Variants in PCDHA6 observed in about 807,000 individuals in gnomAD.
PCDHA6 encodes the protein protocadherin alpha-6.
In PCDHA6, 55 loss-of-function variants were observed where a neutral mutation model predicts 60.3. The observed-to-expected ratio is 0.91, with a 90% CI of 0.73 to 1.14. PCDHA6 has a LOEUF of 1.14. PCDHA6 is among the 50% of genes most tolerant of loss of function. The pLI is 0.00. For synonymous variants in PCDHA6, 652 were observed against 557.9 expected (o/e 1.17, Z -2.38); for missense variants, 1,327 against 1,256.5 (o/e 1.06, Z -0.85).
At chr5:140,892,236 C>T (rs1490048562) in intron 1 of PCDHA6, among the ~76,000 whole-genome samples, 3 of 152,140 alleles carry the variant, frequency 2.0e-5, no homozygotes, top group African/African-American at 7.2e-5. Context: ...TTTGTCTCCA[C>T]ATAAACCTGG....
At chr5:140,954,938 GT>G (rs2095112203) in intron 1 of PCDHA6, among the ~76,000 whole-genome samples, 1 of 152,078 alleles carries the variant, frequency 6.6e-6, no homozygotes, top group Admixed American at 6.6e-5. Flanking sequence ...TTAATCTTGA[GT>G]TAATTTTTGT....
At position 140,836,458 on chromosome 5, in the gene PCDHA6, A is replaced by T. The variant is rs2150261468; in HGVS notation, c.2394+5973A>T. 14 of 1,613,642 alleles carry T rather than the reference A, an allele frequency of 8.7e-6. No homozygotes were observed. In the African/African-American group the frequency reaches 1.7e-4, roughly 20 times the overall value. On this transcript the variant is annotated intron_variant, in intron 1 of 3. Coordinates refer to ENST00000529310, the MANE Select transcript of PCDHA6 (RefSeq NM_018909.4). ...TTGGGCATTGCAGGCCCAGAGACCGAGCTGGTGGATGTCAACGTGTACCTG... is the reference window on the plus strand; with the variant it reads ...TTGGGCATTGCAGGCCCAGAGACCGTGCTGGTGGATGTCAACGTGTACCTG...
chr5:140,835,753 A>G, intron 1 of PCDHA6: 1 of 1,613,416 alleles, frequency 6.2e-7, no homozygotes, highest in Non-Finnish European at 8.5e-7. Context: ...GCGTTCGCGC[A>G]GCCCGAGTAT....
rs115221257 is a variant in PCDHA6 at position 140,951,407 on chromosome 5, A to G, written c.2395-27542A>G. On this transcript the variant is annotated intron_variant, in intron 1 of 3. Transcript: ENST00000529310. ...GGTAATTTATAAAGAAAAGAGGTTTAATTGGCTCACAGTTCCACAGGCTGT... is the reference window on the plus strand; with the variant it reads ...GGTAATTTATAAAGAAAAGAGGTTTGATTGGCTCACAGTTCCACAGGCTGT... Among the ~76,000 whole-genome samples the G allele has an allele frequency of 4.7e-3, 715 of 152,182 alleles. 3 individuals are homozygous for G. Among genetic ancestry groups the G allele is most frequent in the African/African-American group, 0.015 (625 of 41,530 alleles).
At chr5:140,870,534 G>C (rs547039725) in intron 1 of PCDHA6, 2 of 1,614,032 alleles carry the variant, frequency 1.2e-6, no homozygotes, top group Non-Finnish European at 1.7e-6. Flanking sequence ...TCACAGTGTC[G>C]GCGCGGGACG....
Position 140,843,535 on chromosome 5 carries a change from T to G in PCDHA6, c.2394+13050T>G, listed in dbSNP as rs1554140200. On this transcript the variant is annotated intron_variant, in intron 1 of 3. Coordinates refer to ENST00000529310, the MANE Select transcript of PCDHA6 (RefSeq NM_018909.4). ...GCGGGTGCCGGGCGGGCAAGCCCAC[T>G]CTGGTGTGCTCCAGTGCGGTGGGGA... is the stretch of plus-strand genomic sequence containing the variant. The G allele has an allele frequency of 1.9e-6, 3 of 1,595,872 alleles. 1 individual carries two copies. Among genetic ancestry groups the G allele is most frequent in the Non-Finnish European group, 2.6e-6 (3 of 1,165,468 alleles).
chr5:140,956,137 A>C (rs374405911), intron 1 of PCDHA6, among the ~76,000 whole-genome samples: 1 of 152,114 alleles, frequency 6.6e-6, no homozygotes. Flanking sequence ...AATACCCTTT[A>C]TTTCTTTCTC....
intron 3 of PCDHA6, among the ~76,000 whole-genome samples, chr5:140,991,449 A>G (rs1405447405): frequency 6.6e-6 from 1 of 152,206 alleles, no homozygotes; most frequent in East Asian, 1.9e-4. Flanking sequence ...GCTTAAAACA[A>G]CACAATGTAT....
At chr5:140,981,812 A>C (rs1563492177) in intron 2 of PCDHA6, among the ~76,000 whole-genome samples, 1 of 152,052 alleles carries the variant, frequency 6.6e-6, no homozygotes, top group African/African-American at 2.4e-5. Context: ...TTTATGTTCT[A>C]TCTCTGCTTG....
chr5:140,936,619 T>C (rs2153629684), intron 1 of PCDHA6, among the ~76,000 whole-genome samples: 1 of 152,366 alleles, frequency 6.6e-6, no homozygotes, highest in East Asian at 1.9e-4. Context: ...TACTGTGCAG[T>C]GCTACCTTTG....
rs1479921830 is a variant in PCDHA6 at position 140,876,971 on chromosome 5, G to A, written c.2394+46486G>A. The A allele has an allele frequency of 1.9e-6, 3 of 1,612,696 alleles. No homozygotes were observed. In the African/African-American group the frequency reaches 4.0e-5, roughly 22 times the overall value. On this transcript the variant is annotated intron_variant, in intron 1 of 3. Coordinates refer to ENST00000529310, the MANE Select transcript of PCDHA6 (RefSeq NM_018909.4). ...TACTCGCTGGTGGAGCGGCGGGTGG[G>A]CGAGCACGCACTGTCGAGCTACGTG...
In PCDHA6 at chr5:140,828,250, G is replaced by A; in HGVS notation, c.159G>A (p.Gly53=). 3.1e-6 allele frequency: 5 copies of A among 1,613,982 alleles called. No homozygotes were observed. The highest frequency in any genetic ancestry group is 1.3e-5 in the African/African-American group (1 of 75,076). ...TFVGRIAQDL[G]LELAELVPRL... is the part of the protein sequence containing the mutation. Reference sequence around the variant, plus strand: ...TGGGCCGGATCGCGCAGGACCTGGGGCTGGAGCTGGCGGAGCTGGTGCCGC... The same window carrying A: ...TGGGCCGGATCGCGCAGGACCTGGGACTGGAGCTGGCGGAGCTGGTGCCGC... The change falls in exon 1 of 4, where the codon GGG becomes GGA. Residue 53 remains glycine (G), a synonymous_variant. Coordinates refer to ENST00000529310, the MANE Select transcript of PCDHA6 (RefSeq NM_018909.4).
intron 1 of PCDHA6, among the ~76,000 whole-genome samples, chr5:140,891,954 G>C (rs782159289): frequency 4.6e-5 from 7 of 152,318 alleles, no homozygotes; most frequent in Admixed American, 6.5e-5. Flanking sequence ...CTCCAGAATT[G>C]TGAGAAGTAA....
At chr5:140,852,749 G>A in intron 1 of PCDHA6, 3 of 984,204 alleles carry the variant, frequency 3.0e-6, no homozygotes, top group Non-Finnish European at 2.4e-6. Flanking sequence ...ATTTAAACTT[G>A]GACCCAGGTA....
intron 3 of PCDHA6, among the ~76,000 whole-genome samples, chr5:141,000,411 A>T (rs2097918603): frequency 1.1e-5 from 1 of 94,870 alleles, no homozygotes; most frequent in African/African-American, 4.4e-5. Flanking sequence ...ATATATATAT[A>T]TATATATATA....
intron 1 of PCDHA6, chr5:140,858,776 C>G (rs2045586511): frequency 2.4e-6 from 1 of 420,578 alleles, no homozygotes; most frequent in Admixed American, 4.3e-5. Context: ...GAGATTAGTA[C>G]TTCATGTTAT....
chr5:140,910,371 A>G (rs2153514600), intron 1 of PCDHA6, among the ~76,000 whole-genome samples: 1 of 152,246 alleles, frequency 6.6e-6, no homozygotes, highest in South Asian at 2.1e-4. Flanking sequence ...AGCTATGCCC[A>G]CCTTGCCTTT....
In PCDHA6 at chr5:140,828,940, C is replaced by G. The variant is rs2150161042; in HGVS notation, c.849C>G (p.Ser283Arg). The G allele has an allele frequency of 9.3e-6, 15 of 1,614,160 alleles. No homozygotes were observed. In the South Asian group the frequency reaches 1.4e-4, roughly 15 times the overall value. ...ANGAISYSFN[S>R]LVAAMVIDHF... Reference sequence around the variant, plus strand: ...GGGCAATTTCATATTCTTTTAATAGCCTTGTTGCAGCCATGGTTATTGACC... The same window carrying G: ...GGGCAATTTCATATTCTTTTAATAGGCTTGTTGCAGCCATGGTTATTGACC... Residue 283 changes from serine (S) to arginine (R), a missense_variant, in exon 1 of 4, where the codon AGC becomes AGG. Ser to Arg is a moderately radical substitution (Grantham distance 110, BLOSUM62 -1). Coordinates refer to ENST00000529310, the MANE Select transcript of PCDHA6 (RefSeq NM_018909.4).
At chr5:140,892,891 C>T (rs563104545) in intron 1 of PCDHA6, among the ~76,000 whole-genome samples, 1 of 152,264 alleles carries the variant, frequency 6.6e-6, no homozygotes, top group South Asian at 2.1e-4. Context: ...ATTAACCAAC[C>T]TTTCCCCATC....
Sources: gnomAD v4.1 joint callset for allele counts (sites outside exome capture counted in the v4.1 genomes callset) on GRCh38, gnomAD v4.1.1 for gene constraint, MANE v1.5 for transcripts, NCBI Gene and HGNC (gene_info 2026-07-23, HGNC 2026-07-21) for gene names.